The following KCNAB1 variants were observed in gnomAD, a reference collection of about 807,000 sequenced individuals.
The protein encoded by KCNAB1 is voltage-gated potassium channel subunit beta-1.
A neutral mutation model predicts 64.6 loss-of-function variants in KCNAB1; 35 were observed. The ratio of observed to expected loss-of-function variants is 0.54; its 90% CI spans 0.41 to 0.72. KCNAB1 has a LOEUF of 0.72. Among genes scored for constraint, KCNAB1 ranks in the 30% least tolerant of loss-of-function variants. The pLI is 0.00. For missense variants in KCNAB1, 401 were observed against 512.9 expected, an observed-to-expected ratio of 0.78 and a Z score of 2.11; for synonymous variants, 177 against 183.8, an observed-to-expected ratio of 0.96 and a Z score of 0.30.
chr3:156,218,800 A>AT (rs1225118979), intron 1 of KCNAB1, among the ~76,000 whole-genome samples: 3,233 of 108,482 alleles, frequency 0.03, 57 homozygotes, highest in South Asian at 0.047. Context: ...AAAAAAAAAA[A>AT]AAATAATAAT....
chr3:156,443,116 TG>T (rs1164961554), intron 2 of KCNAB1, among the ~76,000 whole-genome samples: 1 of 152,218 alleles, frequency 6.6e-6, no homozygotes, highest in Non-Finnish European at 1.5e-5. Flanking sequence ...ACGTGAGCCA[TG>T]GTGGTTTGCT....
intron 8 of KCNAB1, among the ~76,000 whole-genome samples, chr3:156,476,545 A>G (rs28707422): frequency 1.6e-4 from 23 of 141,004 alleles, no homozygotes; most frequent in East Asian, 8.2e-4. Context: ...ACACACACAC[A>G]CGCACACACA....
chr3:156,506,113 T>C, intron 8 of KCNAB1, among the ~76,000 whole-genome samples: 1 of 152,230 alleles, frequency 6.6e-6, no homozygotes, highest in East Asian at 1.9e-4. Flanking sequence ...TCATGATTTA[T>C]TTTTCAGCTA....
At chr3:156,242,972 C>A (rs1188160190) in intron 1 of KCNAB1, among the ~76,000 whole-genome samples, 1 of 152,098 alleles carries the variant, frequency 6.6e-6, no homozygotes, top group Non-Finnish European at 1.5e-5. Context: ...TGCAATGGCA[C>A]AATCTCAGCT....
At chr3:156,516,465 T>C in intron 11 of KCNAB1, 101 bp downstream of exon 11, 1 of 864,148 alleles carries the variant, frequency 1.2e-6, no homozygotes, top group Non-Finnish European at 1.9e-6. Context: ...CAGCTCAGGC[T>C]GACTGTGTTG....
At chr3:156,370,888 C>A (rs1263342745) in intron 1 of KCNAB1, among the ~76,000 whole-genome samples, 1 of 152,124 alleles carries the variant, frequency 6.6e-6, no homozygotes, top group Non-Finnish European at 1.5e-5. Context: ...TGGCGGCAGG[C>A]GGCACAGGAA....
At chr3:156,269,224 T>A (rs1018652520) in intron 1 of KCNAB1, among the ~76,000 whole-genome samples, 1 of 152,228 alleles carries the variant, frequency 6.6e-6, no homozygotes, top group Non-Finnish European at 1.5e-5. Context: ...TATATATGTC[T>A]GTTTTTGTGC....
chr3:156,387,014 C>CTCTTTT (rs60888308), intron 1 of KCNAB1, among the ~76,000 whole-genome samples: 7 of 90,522 alleles, frequency 7.7e-5, no homozygotes, highest in Admixed American at 1.1e-4. Context: ...TTCTCTCTCT[C>CTCTTTT]TTTTTTTTTT....
intron 1 of KCNAB1, among the ~76,000 whole-genome samples, chr3:156,152,437 G>T (rs1438796844): frequency 6.6e-6 from 1 of 152,230 alleles, no homozygotes; most frequent in Non-Finnish European, 1.5e-5. Flanking sequence ...GATTCAGAGT[G>T]ACGGGAGTAT....
In KCNAB1 at chr3:156,375,147, C is replaced by T. The variant is rs919992949; in HGVS notation, c.276-46469C>T. On this transcript the variant is annotated intron_variant, in intron 1 of 13. Transcript: ENST00000490337. Reference sequence around the variant, plus strand: ...GTGATTTATAAAACAATTTCACATGCATTATCTCCTATATTCATAGTCCAA... The same window carrying T: ...GTGATTTATAAAACAATTTCACATGTATTATCTCCTATATTCATAGTCCAA... Among the ~76,000 whole-genome samples, 10 of 135,928 alleles carry T rather than the reference C, an allele frequency of 7.4e-5. 3 individuals are homozygous for T. The highest frequency in any genetic ancestry group is 3.0e-4 in the African/African-American group (9 of 30,496). 89.2% of individuals were successfully genotyped at this position (135,928 alleles called of 152,430 possible).
intron 11 of KCNAB1, among the ~76,000 whole-genome samples, chr3:156,519,224 T>G (rs1717773595): frequency 6.6e-6 from 1 of 152,210 alleles, no homozygotes; most frequent in South Asian, 2.1e-4. Flanking sequence ...TCTGACCATA[T>G]CATAACCCTG....
chr3:156,348,508 C>G (rs538111402), intron 1 of KCNAB1, among the ~76,000 whole-genome samples: 2 of 151,978 alleles, frequency 1.3e-5, no homozygotes, highest in African/African-American at 4.8e-5. Context: ...GCCTGAGATG[C>G]GGGGATGGTG....
Position 156,463,862 on chromosome 3 carries a change from T to G in KCNAB1, c.527+116T>G, listed in dbSNP as rs370180779. 1.1e-5 allele frequency: 8 copies of G among 731,314 alleles called. No individual in the cohort carries two copies. In the Admixed American group the frequency reaches 1.7e-4, roughly 15 times the overall value. The allele number at this position is 731,314 out of a possible 1,614,324, so 45.3% of individuals were successfully genotyped here. A position where few individuals can be genotyped will look rare whatever the true frequency, so the allele number is the denominator to read the frequency against. On this transcript the variant is annotated intron_variant, in intron 6 of 13. Transcript: ENST00000490337. ...TAATTGGCTTAGAGAGAGGGTTTTTTGTTTTTTTTTTGTTTTTTTCTCACA... is the reference window on the plus strand; with the variant it reads ...TAATTGGCTTAGAGAGAGGGTTTTTGGTTTTTTTTTTGTTTTTTTCTCACA...
At chr3:156,455,173 C>A (rs556666622) in intron 3 of KCNAB1, among the ~76,000 whole-genome samples, 1 of 152,180 alleles carries the variant, frequency 6.6e-6, no homozygotes, top group Non-Finnish European at 1.5e-5. Context: ...AGCAAAAATG[C>A]GGACCAATAG....
intron 8 of KCNAB1, among the ~76,000 whole-genome samples, chr3:156,494,961 T>C (rs1168438185): frequency 6.6e-6 from 1 of 152,088 alleles, no homozygotes; most frequent in Admixed American, 6.6e-5. Flanking sequence ...GCACAGATCA[T>C]CGCATGACCC....
intron 1 of KCNAB1, among the ~76,000 whole-genome samples, chr3:156,280,130 G>C (rs1719607791): frequency 6.7e-6 from 1 of 148,296 alleles, no homozygotes; most frequent in Non-Finnish European, 1.5e-5. Flanking sequence ...AATCCATCTT[G>C]AATTGATTTT....
chr3:156,434,277 G>A (rs1376134795), intron 2 of KCNAB1, among the ~76,000 whole-genome samples: 1 of 152,214 alleles, frequency 6.6e-6, no homozygotes, highest in Non-Finnish European at 1.5e-5. Context: ...GCAAGGTGGT[G>A]AGGGTTGAGA....
At chr3:156,518,692 T>C (rs1717732193) in intron 11 of KCNAB1, among the ~76,000 whole-genome samples, 1 of 152,208 alleles carries the variant, frequency 6.6e-6, no homozygotes, top group South Asian at 2.1e-4. Context: ...TAACTCAGCA[T>C]AAAAAATACC....
chr3:156,539,033 TA>T (rs2108440481), downstream of KCNAB1: 1 of 152,304 alleles, frequency 6.6e-6, no homozygotes, highest in South Asian at 2.1e-4. Context: ...GTTAGTTAGT[TA>T]GTTAGTTATG....
Sources: allele counts gnomAD v4.1 joint callset (sites outside exome capture counted in the v4.1 genomes callset), GRCh38; gene constraint gnomAD v4.1.1; transcripts MANE v1.5; gene names NCBI Gene and HGNC (gene_info 2026-07-23, HGNC 2026-07-21).